Variants in TMEM192 observed in about 807,000 individuals in gnomAD.
TMEM192 encodes transmembrane protein 192.
Under a neutral mutation model 26.7 loss-of-function variants are expected in TMEM192, and 20 were observed. That is an observed-to-expected ratio of 0.75 (90% CI 0.53 to 1.09). The LOEUF (loss-of-function observed/expected upper bound fraction) is 1.09. Among genes scored for constraint, TMEM192 ranks in the 50% least tolerant of loss-of-function variants. The probability of loss-of-function intolerance (pLI) is 0.00; values close to 1 mark genes in which losing one functional copy is unlikely to be tolerated. For missense variants in TMEM192, 304 were observed against 322.6 expected, an observed-to-expected ratio of 0.94 and a Z score of 0.44; for synonymous variants, 124 against 121.0, an observed-to-expected ratio of 1.02 and a Z score of -0.16.
At position 165,074,477 on chromosome 4, in the gene TMEM192, C is replaced by T. The variant is rs1453885444; in HGVS notation, c.*5181G>A. On this transcript the variant is annotated 3_prime_UTR_variant, in exon 6 of 6. Transcript: ENST00000306480. ...TTATTTATTTATTGAGACAGAGTCT[C>T]GCTCTGTCACCCAGGCTGGAGTGCA... The T allele has an allele frequency of 6.6e-6, 1 of 152,022 alleles. No individual in the cohort carries two copies. Among genetic ancestry groups the T allele is most frequent in the African/African-American group, 2.4e-5 (1 of 41,378 alleles). The allele number at this position is 152,022 out of a possible 1,614,324, so 9.4% of individuals were successfully genotyped here. A position where few individuals can be genotyped will look rare whatever the true frequency, so the allele number is the denominator to read the frequency against.
rs1321408949 is a variant in TMEM192, at chr4:165,100,800, TG to T, written c.266del (p.Pro89HisfsTer2). On this transcript the variant is annotated frameshift_variant, in exon 3 of 6. Coordinates refer to ENST00000306480, the MANE Select transcript of TMEM192 (RefSeq NM_001100389.2). LOFTEE classifies it high-confidence loss of function. ...EDKCPGNYTN[P>X]LKVQTVIILG... The stretch of plus-strand genomic sequence containing the variant: ...GGATTATAACCGTCTGAACTTTCAA[TG>T]GGTTTGTGTAATTTCCTGGGCACTT... The T allele has an allele frequency of 7.4e-6, 12 of 1,614,026 alleles. No homozygotes were observed. The highest frequency in any genetic ancestry group is 1.0e-5 in the Non-Finnish European group (12 of 1,180,026).
At position 165,112,690 on chromosome 4, in the gene TMEM192, C is replaced by A. The variant is rs1013225492; in HGVS notation, c.27+57G>T. 7.5e-6 allele frequency: 12 copies of A among 1,603,676 alleles called. No homozygotes were observed. The African/African-American group carries it at 8.0e-5, about 11-fold the overall frequency. ...TCTCTGAGTCTCCGCCCCGTGCGCC[C>A]CGGCACAAGAAAAAGCGGATTCCGG... On this transcript the variant is annotated intron_variant, in intron 1 of 5. Coordinates refer to ENST00000306480, the MANE Select transcript of TMEM192 (RefSeq NM_001100389.2).
Position 165,076,745 on chromosome 4 carries a change from C to T in TMEM192, c.*2913G>A, listed in dbSNP as rs568767887. 6 of 152,172 alleles carry T rather than the reference C, an allele frequency of 3.9e-5. No homozygotes were observed. The highest frequency in any genetic ancestry group is 7.3e-5 in the Non-Finnish European group (5 of 68,042). 9.4% of individuals were successfully genotyped at this position (152,172 alleles called of 1,614,324 possible). On this transcript the variant is annotated 3_prime_UTR_variant, in exon 6 of 6. Coordinates refer to ENST00000306480, the MANE Select transcript of TMEM192 (RefSeq NM_001100389.2). ...TGTATCCTCAGTGCTAGCACAATTA[C>T]CAGCCTGGTGAATAGAATGTTTAAC... is the stretch of plus-strand genomic sequence containing the variant.
intron 1 of TMEM192, 101 bp from the exon 2 acceptor site, chr4:165,103,197 T>C (rs988706703): frequency 8.8e-7 from 1 of 1,138,532 alleles, no homozygotes; most frequent in African/African-American, 1.6e-5. Context: ...ACATACAAAT[T>C]AAAGGCAAGA....
At chr4:165,085,273 C>CAAAAAAAAAAAAAAAAAAAAAAACAAAAA (rs398051329) in intron 5 of TMEM192, among the ~76,000 whole-genome samples, 2 of 83,698 alleles carry the variant, frequency 2.4e-5, no homozygotes, top group Non-Finnish European at 4.9e-5. Flanking sequence ...AACTCCATCT[C>CAAAAAAAAAAAAAAAAAAAAAAACAAAAA]AAAAAAAAAA....
At chr4:165,104,632 T>C (rs1735121695) in intron 1 of TMEM192, among the ~76,000 whole-genome samples, 1 of 152,180 alleles carries the variant, frequency 6.6e-6, no homozygotes, top group African/African-American at 2.4e-5. Flanking sequence ...CTGGGTTCAA[T>C]CGATTCTCCT....
rs1390927119 is a variant in TMEM192, at chr4:165,078,064, A to G, written c.*1594T>C. ...CAGGCATGAGCAACTGCTCCCAGCC[A>G]TACACAATCATCTTTATCTTAGTAG... On this transcript the variant is annotated 3_prime_UTR_variant, in exon 6 of 6. Transcript: ENST00000306480. 6.6e-6 allele frequency: 1 copy of G among 151,952 alleles called. No individual in the cohort carries two copies. Among genetic ancestry groups the G allele is most frequent in the Non-Finnish European group, 1.5e-5 (1 of 67,976 alleles). The allele number at this position is 151,952 out of a possible 1,614,324, so 9.4% of individuals were successfully genotyped here.
intron 3 of TMEM192, among the ~76,000 whole-genome samples, chr4:165,099,752 C>G (rs1734994450): frequency 1.3e-5 from 2 of 152,026 alleles, no homozygotes; most frequent in African/African-American, 4.8e-5. Context: ...AGTGACCAAC[C>G]TGGGCAACAT....
intron 3 of TMEM192, among the ~76,000 whole-genome samples, chr4:165,099,943 C>G (rs1317150020): frequency 6.6e-6 from 1 of 152,024 alleles, no homozygotes; most frequent in Non-Finnish European, 1.5e-5. Context: ...GAGCAAGGCC[C>G]TGCCTCAGAG....
intron 3 of TMEM192, among the ~76,000 whole-genome samples, chr4:165,088,896 C>G (rs1308472481): frequency 6.6e-6 from 1 of 151,762 alleles, no homozygotes. Context: ...AAAAAATTAG[C>G]CAGGCATGGT....
At chr4:165,104,881 C>T (rs4690801) in intron 1 of TMEM192, among the ~76,000 whole-genome samples, 102,025 of 151,892 alleles carry the variant, frequency 0.67, 36,079 homozygotes, top group Non-Finnish European at 0.78. Context: ...TACCATAACT[C>T]ATGGTACAAT....
chr4:165,079,675 G>A lies in TMEM192; in HGVS notation c.799C>T (p.Gln267Ter), dbSNP rs1227883729. 3.7e-6 allele frequency: 6 copies of A among 1,611,256 alleles called. No individual in the cohort carries two copies. Among genetic ancestry groups the A allele is most frequent in the Non-Finnish European group, 5.1e-6 (6 of 1,178,692 alleles). ...LALTSSDLGC[Q>*]PSRT Reference sequence around the variant, plus strand: ...TGAGCCTCTCACGTTCTACTTGGCTGACAGCCCAGGTCTGAGGAAGTGAGA... The same window carrying A: ...TGAGCCTCTCACGTTCTACTTGGCTAACAGCCCAGGTCTGAGGAAGTGAGA... The change falls in exon 6 of 6, where the codon CAG (glutamine) becomes TAG (stop). Residue 267 changes from glutamine to a stop codon, truncating the protein, a stop_gained. Transcript: ENST00000306480. LOFTEE classifies it high-confidence loss of function.
chr4:165,093,865 G>A (rs983905038), intron 3 of TMEM192, among the ~76,000 whole-genome samples: 5 of 151,862 alleles, frequency 3.3e-5, no homozygotes, highest in Admixed American at 6.6e-5. Context: ...ACAGGCACCC[G>A]CCACGCCACC....
At chr4:165,092,788 C>T (rs1734797076) in intron 3 of TMEM192, among the ~76,000 whole-genome samples, 1 of 152,056 alleles carries the variant, frequency 6.6e-6, no homozygotes, top group Non-Finnish European at 1.5e-5. Flanking sequence ...AAACTAACTA[C>T]ACAAGCCTAG....
chr4:165,092,112 C>CTT (rs35641833), intron 3 of TMEM192, among the ~76,000 whole-genome samples: 1,291 of 72,048 alleles, frequency 0.018, 340 homozygotes, highest in African/African-American at 0.056. Context: ...TAATGCTGTT[C>CTT]TTTTTTTTTT....
At position 165,073,860 on chromosome 4, in the gene TMEM192, T is replaced by G. The variant is rs953385631; in HGVS notation, c.*5798A>C. 2 of 152,126 alleles carry G rather than the reference T, an allele frequency of 1.3e-5. No homozygotes were observed. The highest frequency in any genetic ancestry group is 4.8e-5 in the African/African-American group (2 of 41,416). 9.4% of individuals were successfully genotyped at this position (152,126 alleles called of 1,614,324 possible). A position where few individuals can be genotyped will look rare whatever the true frequency, so the allele number is the denominator to read the frequency against. ...GAACTTATTCATGATACAGATTCCT[T>G]TGCTCACGTTTCCCTGCTGACCTTC... On this transcript the variant is annotated 3_prime_UTR_variant, in exon 6 of 6. Transcript: ENST00000306480.
chr4:165,090,151 C>T (rs952397503), intron 3 of TMEM192, among the ~76,000 whole-genome samples: 1 of 128,748 alleles, frequency 7.8e-6, no homozygotes, highest in South Asian at 2.7e-4. Context: ...GTGGAGGTTG[C>T]GGTGAGCCAA....
At position 165,076,784 on chromosome 4, in the gene TMEM192, T is replaced by C. The variant is rs191369192; in HGVS notation, c.*2874A>G. Reference sequence around the variant, plus strand: ...AGAATGTTTAACATTTAAATTGTTTTGTTCATTTTTCTGTTTTGTTACTTC... The same window carrying C: ...AGAATGTTTAACATTTAAATTGTTTCGTTCATTTTTCTGTTTTGTTACTTC... On this transcript the variant is annotated 3_prime_UTR_variant, in exon 6 of 6. Coordinates refer to ENST00000306480, the MANE Select transcript of TMEM192 (RefSeq NM_001100389.2). The C allele has an allele frequency of 6.6e-5, 10 of 152,310 alleles. No homozygotes were observed. The highest frequency in any genetic ancestry group is 2.2e-4 in the African/African-American group (9 of 41,566). 9.4% of individuals were successfully genotyped at this position (152,310 alleles called of 1,614,324 possible).
Position 165,100,481 on chromosome 4 carries a change from G to T in TMEM192, c.439+147C>A, listed in dbSNP as rs145359249. On this transcript the variant is annotated intron_variant, in intron 3 of 5. Coordinates refer to ENST00000306480, the MANE Select transcript of TMEM192 (RefSeq NM_001100389.2). ...CCAAGAAAAGCTTTAAGACATTAAGGTGATCCAAATTTTAGTGGTCAGAAC... is the reference window on the plus strand; with the variant it reads ...CCAAGAAAAGCTTTAAGACATTAAGTTGATCCAAATTTTAGTGGTCAGAAC... 3,379 of 946,586 alleles carry T rather than the reference G, an allele frequency of 3.6e-3. 20 individuals are homozygous for T. Among genetic ancestry groups the T allele is most frequent in the Non-Finnish European group, 3.7e-3 (2,383 of 652,156 alleles). 58.6% of individuals were successfully genotyped at this position (946,586 alleles called of 1,614,324 possible).
Sources: allele counts gnomAD v4.1 joint callset (sites outside exome capture counted in the v4.1 genomes callset), GRCh38; gene constraint gnomAD v4.1.1; transcripts MANE v1.5; gene names NCBI Gene and HGNC (gene_info 2026-07-23, HGNC 2026-07-21).